The following NRF1 variants were observed in gnomAD, a reference collection of about 807,000 sequenced individuals.
The protein encoded by NRF1 is nuclear respiratory factor 1.
A neutral mutation model predicts 58.5 loss-of-function variants in NRF1; 5 were observed. The observed-to-expected ratio is 0.09, with a 90% confidence interval of 0.04 to 0.18. NRF1 has a LOEUF of 0.18. Ranked by LOEUF, NRF1 falls within the 10% of genes least tolerant of loss-of-function variation. NRF1 has a pLI of 1.00. For synonymous variants in NRF1, 224 were observed against 246.7 expected, an observed-to-expected ratio of 0.91 and a Z score of 0.86; for missense variants, 288 against 657.7, an observed-to-expected ratio of 0.44 and a Z score of 6.15.
intron 4 of NRF1, among the ~76,000 whole-genome samples, chr7:129,686,101 C>CAAAA (rs540355035): frequency 1.7e-5 from 1 of 57,754 alleles, no homozygotes; most frequent in African/African-American, 5.5e-5. Flanking sequence ...GACTGTATCT[C>CAAAA]AAAAAAAAAA....
intron 1 of NRF1, among the ~76,000 whole-genome samples, chr7:129,626,794 A>G (rs1014267284): frequency 6.6e-6 from 1 of 152,242 alleles, no homozygotes; most frequent in Non-Finnish European, 1.5e-5. Flanking sequence ...TCCTTCAGGT[A>G]ATCAATGGCT....
At chr7:129,662,518 G>C (rs1801809221) in intron 2 of NRF1, among the ~76,000 whole-genome samples, 1 of 151,180 alleles carries the variant, frequency 6.6e-6, no homozygotes, top group Non-Finnish European at 1.5e-5. Flanking sequence ...TCTCTCTCAA[G>C]TTTCTGTTAC....
chr7:129,621,772 C>G (rs889133290), intron 1 of NRF1, among the ~76,000 whole-genome samples: 10 of 146,438 alleles, frequency 6.8e-5, no homozygotes, highest in Non-Finnish European at 1.5e-4. Flanking sequence ...AAAAGTTTTT[C>G]TCCATAGAAT....
chr7:129,647,404 CTTTT>C (rs1274782003), intron 1 of NRF1, among the ~76,000 whole-genome samples: 2 of 131,590 alleles, frequency 1.5e-5, no homozygotes, highest in Non-Finnish European at 1.6e-5. Flanking sequence ...TCTTTTCTTG[CTTTT>C]TTTTTTTTTT....
At chr7:129,710,878 A>C (rs1803057289) in intron 7 of NRF1, among the ~76,000 whole-genome samples, 1 of 151,742 alleles carries the variant, frequency 6.6e-6, no homozygotes, top group Non-Finnish European at 1.5e-5. Context: ...CCCGGGCTCA[A>C]GTGATTCTCC....
chr7:129,654,869 G>A (rs1801616299), intron 1 of NRF1, among the ~76,000 whole-genome samples: 1 of 152,136 alleles, frequency 6.6e-6, no homozygotes, highest in African/African-American at 2.4e-5. Flanking sequence ...TAGGTTTATG[G>A]TAAGTCTTAA....
chr7:129,713,137 C>A (rs1384343840), intron 8 of NRF1, among the ~76,000 whole-genome samples: 2 of 145,686 alleles, frequency 1.4e-5, no homozygotes, highest in African/African-American at 2.5e-5. Context: ...CACTCTGTGG[C>A]CCAGGCTGGA....
intron 2 of NRF1, among the ~76,000 whole-genome samples, chr7:129,670,421 GC>G (rs1285885700): frequency 9.2e-5 from 14 of 152,136 alleles, no homozygotes; most frequent in Admixed American, 2.6e-4. Flanking sequence ...AAGGTAAAAA[GC>G]AGTTGCTTAT....
rs370665845 is a variant in NRF1 at position 129,636,327 on chromosome 7, T to A, written c.-6-21019T>A. ...TCGGCTCACTGCAACCTCCATCTCC[T>A]GGGTTCAAGCGATTCTTGTGTCTCA... On this transcript the variant is annotated intron_variant, in intron 1 of 10. Coordinates refer to ENST00000393232, the MANE Select transcript of NRF1 (RefSeq NM_005011.5). 2.7e-5 allele frequency among the ~76,000 whole-genome samples: 4 copies of A among 149,716 alleles called. No homozygotes were observed. In the South Asian group the frequency reaches 8.5e-4, roughly 32 times the overall value.
chr7:129,619,093 G>T (rs1267228340), intron 1 of NRF1, among the ~76,000 whole-genome samples: 1 of 151,654 alleles, frequency 6.6e-6, no homozygotes, highest in Non-Finnish European at 1.5e-5. Context: ...AAAAACTAAG[G>T]GCAACCTTGA....
Position 129,717,199 on chromosome 7 carries a change from T to C in NRF1, c.1066-20T>C. On this transcript the variant is annotated intron_variant, in intron 8 of 10. Transcript: ENST00000393232. The stretch of plus-strand genomic sequence containing the variant: ...CTTTTGTGGCTTTGTTTTTTTACTA[T>C]CTTGTCCTTTCTGCCTCAGGTGGAA... The C allele has an allele frequency of 6.3e-7, 1 of 1,580,006 alleles. No homozygotes were observed. Among genetic ancestry groups the C allele is most frequent in the South Asian group, 1.2e-5 (1 of 85,722 alleles).
chr7:129,648,100 TA>T (rs1801450465), intron 1 of NRF1, among the ~76,000 whole-genome samples: 1 of 151,112 alleles, frequency 6.6e-6, no homozygotes, highest in South Asian at 2.1e-4. Flanking sequence ...TAAAAATCAA[TA>T]GTCTTTTGCC....
intron 1 of NRF1, among the ~76,000 whole-genome samples, chr7:129,638,396 C>T (rs1399918872): frequency 1.3e-5 from 2 of 152,152 alleles, no homozygotes; most frequent in African/African-American, 4.8e-5. Flanking sequence ...CCCAAGTGAG[C>T]TTAGTTCTAA....
At position 129,661,918 on chromosome 7, in the gene NRF1, C is replaced by T. The variant is rs141647024; in HGVS notation, c.223+4344C>T. On this transcript the variant is annotated intron_variant, in intron 2 of 10. Transcript: ENST00000393232. ...TCAAGACTGGGAAGAAAAGAGGTTT[C>T]GGTGGACTTACAGATCTATGTGGCT... 6.2e-3 allele frequency among the ~76,000 whole-genome samples: 932 copies of T among 150,774 alleles called. 84 individuals are homozygous for T. Among genetic ancestry groups the T allele is most frequent in the African/African-American group, 0.021 (860 of 40,136 alleles).
At chr7:129,639,063 A>T (rs1044898977) in intron 1 of NRF1, among the ~76,000 whole-genome samples, 1 of 152,140 alleles carries the variant, frequency 6.6e-6, no homozygotes, top group Non-Finnish European at 1.5e-5. Flanking sequence ...CAAAGTAAAT[A>T]TGGGAATTTT....
intron 4 of NRF1, among the ~76,000 whole-genome samples, chr7:129,689,153 A>T (rs1247714759): frequency 6.6e-6 from 1 of 152,206 alleles, no homozygotes; most frequent in Non-Finnish European, 1.5e-5. Context: ...TTTTTCTCTT[A>T]TCCCCTTAGT....
At chr7:129,674,979 T>C (rs1802143544) in intron 3 of NRF1, among the ~76,000 whole-genome samples, 1 of 152,204 alleles carries the variant, frequency 6.6e-6, no homozygotes, top group South Asian at 2.1e-4. Context: ...GATAGCATTT[T>C]ACCCACAGTA....
chr7:129,638,933 T>C (rs1036997741), intron 1 of NRF1, among the ~76,000 whole-genome samples: 3 of 152,224 alleles, frequency 2.0e-5, no homozygotes, highest in Non-Finnish European at 2.9e-5. Context: ...TTAACATCCT[T>C]GTGTAGGATT....
intron 4 of NRF1, among the ~76,000 whole-genome samples, chr7:129,687,837 A>C (rs1378889669): frequency 6.6e-6 from 1 of 152,246 alleles, no homozygotes; most frequent in South Asian, 2.1e-4. Context: ...AGATAGAATT[A>C]AAACATGAGG....
Sources: allele counts gnomAD v4.1 joint callset (sites outside exome capture counted in the v4.1 genomes callset), GRCh38; gene constraint gnomAD v4.1.1; transcripts MANE v1.5; gene names NCBI Gene and HGNC (gene_info 2026-07-23, HGNC 2026-07-21).